Variants in PLCB4 observed in about 807,000 individuals in gnomAD.
The protein encoded by PLCB4 is 1-phosphatidylinositol 4,5-bisphosphate phosphodiesterase beta-4.
PLCB4 carries 77 observed loss-of-function variants against 178.8 expected under a neutral mutation model. The observed-to-expected ratio is 0.43, with a 90% CI of 0.36 to 0.52. The LOEUF (loss-of-function observed/expected upper bound fraction) is 0.52. Ranked by LOEUF, PLCB4 falls within the 20% of genes least tolerant of loss-of-function variation. The pLI, the probability that PLCB4 is intolerant of heterozygous loss-of-function variation, is 0.00. For missense variants in PLCB4, 1,024 were observed against 1,453.4 expected, an observed-to-expected ratio of 0.70 and a Z score of 4.80; for synonymous variants, 496 against 490.8, an observed-to-expected ratio of 1.01 and a Z score of -0.14.
intron 1 of PLCB4, among the ~76,000 whole-genome samples, chr20:9,078,372 TTC>T (rs879461748): frequency 0.011 from 1,613 of 149,440 alleles, 13 homozygotes; most frequent in Middle Eastern, 0.027. Context: ...TCTTTTCTTC[TTC>T]TCTTCTTTTC....
intron 2 of PLCB4, among the ~76,000 whole-genome samples, chr20:9,203,777 GTTTTTTTTTT>G (rs553691545): frequency 9.8e-5 from 10 of 101,682 alleles, no homozygotes; most frequent in Non-Finnish European, 1.6e-4. Flanking sequence ...TGGGAATAGT[GTTTTTTTTTT>G]TTTTTTTTTT....
chr20:9,229,574 T>G (rs930869598), intron 3 of PLCB4, among the ~76,000 whole-genome samples: 1 of 152,068 alleles, frequency 6.6e-6, no homozygotes, highest in African/African-American at 2.4e-5. Flanking sequence ...AGTTGGAAGT[T>G]TTACCTCTTT....
chr20:9,267,714 A>G (rs1601522856), intron 3 of PLCB4, among the ~76,000 whole-genome samples: 2 of 152,254 alleles, frequency 1.3e-5, no homozygotes, highest in Admixed American at 6.5e-5. Context: ...TATAATTTGC[A>G]TATTTGTCCC....
intron 3 of PLCB4, among the ~76,000 whole-genome samples, chr20:9,224,414 T>A (rs2093838470): frequency 6.6e-6 from 1 of 152,202 alleles, no homozygotes; most frequent in Admixed American, 6.5e-5. Context: ...TATTTTTCAT[T>A]ATCTTCCTTC....
At chr20:9,400,768 G>A (rs1162651024) in intron 19 of PLCB4, among the ~76,000 whole-genome samples, 4 of 151,972 alleles carry the variant, frequency 2.6e-5, no homozygotes, top group African/African-American at 7.2e-5. Context: ...TTTTCCCCAC[G>A]AACATCCTGG....
intron 3 of PLCB4, among the ~76,000 whole-genome samples, chr20:9,272,995 G>A (rs2094419232): frequency 6.6e-6 from 1 of 151,876 alleles, no homozygotes; most frequent in Non-Finnish European, 1.5e-5. Context: ...AGTTACACAG[G>A]AGAAAATATA....
At chr20:9,213,625 T>A (rs2093697526) in intron 2 of PLCB4, among the ~76,000 whole-genome samples, 1 of 152,238 alleles carries the variant, frequency 6.6e-6, no homozygotes, top group African/African-American at 2.4e-5. Flanking sequence ...TATGAAATTT[T>A]ACATGTAATT....
chr20:9,280,354 C>T, intron 3 of PLCB4: 1 of 561,808 alleles, frequency 1.8e-6, no homozygotes, highest in Non-Finnish European at 2.3e-6. Flanking sequence ...ACTGGCTCTT[C>T]ACATTGGATT....
chr20:9,423,101 C>T, intron 27 of PLCB4, among the ~76,000 whole-genome samples: 1 of 152,128 alleles, frequency 6.6e-6, no homozygotes, highest in East Asian at 1.9e-4. Context: ...TTGGGGATAG[C>T]AGGAGTAGGT....
intron 15 of PLCB4, among the ~76,000 whole-genome samples, chr20:9,388,301 T>C (rs2037849170): frequency 1.3e-5 from 2 of 152,226 alleles, no homozygotes; most frequent in Admixed American, 1.3e-4. Flanking sequence ...TGAAATTCTG[T>C]GGTTTGCAAA....
intron 3 of PLCB4, among the ~76,000 whole-genome samples, chr20:9,219,173 A>G (rs2093767866): frequency 6.6e-6 from 1 of 152,206 alleles, no homozygotes; most frequent in Non-Finnish European, 1.5e-5. Context: ...CATGCATTTA[A>G]TTTTACAAAG....
chr20:9,474,042 C>G lies in PLCB4; in HGVS notation c.3495+677C>G, dbSNP rs141106144. ...GACCATCCTGGCCAACATGGTGAAG[C>G]CCCGTCTCTACTAAAAATACAAAAA... On this transcript the variant is annotated intron_variant, in intron 38 of 39. Transcript: ENST00000378473. Among the ~76,000 whole-genome samples the G allele has an allele frequency of 4.3e-3, 653 of 152,196 alleles. 1 individual carries two copies. The highest frequency in any genetic ancestry group is 0.027 in the Middle Eastern group (8 of 294).
At chr20:9,452,295 A>G (rs997669557) in intron 32 of PLCB4, among the ~76,000 whole-genome samples, 1 of 152,258 alleles carries the variant, frequency 6.6e-6, no homozygotes, top group Non-Finnish European at 1.5e-5. Flanking sequence ...TTAGATTTGC[A>G]TAAAGTCAAG....
chr20:9,121,871 T>C (rs2091971130), intron 2 of PLCB4, among the ~76,000 whole-genome samples: 1 of 152,238 alleles, frequency 6.6e-6, no homozygotes, highest in Non-Finnish European at 1.5e-5. Flanking sequence ...TTTATGTATT[T>C]TAGTTATAAA....
intron 2 of PLCB4, among the ~76,000 whole-genome samples, chr20:9,122,764 T>C (rs1286529147): frequency 6.6e-6 from 1 of 152,174 alleles, no homozygotes; most frequent in Non-Finnish European, 1.5e-5. Flanking sequence ...AGCTCTATAC[T>C]TCACTCTTGA....
chr20:9,114,327 G>A (rs2091705584), intron 2 of PLCB4, among the ~76,000 whole-genome samples: 1 of 152,114 alleles, frequency 6.6e-6, no homozygotes, highest in African/African-American at 2.4e-5. Flanking sequence ...CTGATGCTAG[G>A]AACGGAGAAG....
At chr20:9,340,214 C>T (rs2033020308) in intron 7 of PLCB4, among the ~76,000 whole-genome samples, 1 of 152,112 alleles carries the variant, frequency 6.6e-6, no homozygotes, top group Non-Finnish European at 1.5e-5. Flanking sequence ...ACTGAGATTA[C>T]AAAACTTAAC....
intron 2 of PLCB4, among the ~76,000 whole-genome samples, chr20:9,173,028 G>A (rs1205292089): frequency 6.6e-6 from 1 of 152,162 alleles, no homozygotes; most frequent in Non-Finnish European, 1.5e-5. Flanking sequence ...AGTTTCCAAA[G>A]ACTTGGGAAC....
At chr20:9,350,370 T>C (rs765328954) in intron 7 of PLCB4, among the ~76,000 whole-genome samples, 1 of 152,146 alleles carries the variant, frequency 6.6e-6, no homozygotes, top group Non-Finnish European at 1.5e-5. Context: ...CACAAGTCTG[T>C]GGGATAGGTA....
Sources: allele counts gnomAD v4.1 joint callset (sites outside exome capture counted in the v4.1 genomes callset), GRCh38; gene constraint gnomAD v4.1.1; transcripts MANE v1.5; gene names NCBI Gene and HGNC (gene_info 2026-07-23, HGNC 2026-07-21).